Variants in RERG observed in about 807,000 individuals in gnomAD.
RERG encodes the protein RAS like estrogen regulated growth inhibitor, also known as ras-related and estrogen-regulated growth inhibitor.
A neutral mutation model predicts 23.2 loss-of-function variants in RERG; 25 were observed. That is an observed-to-expected ratio of 1.08 (90% CI 0.79 to 1.50). RERG has a LOEUF of 1.50. Among genes scored for constraint, RERG ranks in the 40% most tolerant of loss-of-function variants. RERG has a pLI of 0.00. For missense variants in RERG, 253 were observed against 250.1 expected (o/e 1.01, Z -0.08); for synonymous variants, 81 against 89.1 (o/e 0.91, Z 0.51).
chr12:15,144,274 C>T (rs1459888666), intron 2 of RERG, among the ~76,000 whole-genome samples: 6 of 152,070 alleles, frequency 3.9e-5, no homozygotes. Flanking sequence ...TGCTCAGTGA[C>T]CATGGAGTGC....
At chr12:15,203,227 T>C (rs1187552386) in intron 2 of RERG, among the ~76,000 whole-genome samples, 1 of 151,742 alleles carries the variant, frequency 6.6e-6, no homozygotes, top group African/African-American at 2.4e-5. Flanking sequence ...AATTAACCCT[T>C]TATCAAACAT....
intron 2 of RERG, among the ~76,000 whole-genome samples, chr12:15,156,719 G>A (rs1405474115): frequency 6.6e-6 from 1 of 152,128 alleles, no homozygotes; most frequent in African/African-American, 2.4e-5. Context: ...TGCTTTGCGA[G>A]TCCTCAGGAG....
At position 15,122,813 on chromosome 12, in the gene RERG, G is replaced by A. The variant is rs187879922; in HGVS notation, c.62-1694C>T. Among the ~76,000 whole-genome samples, 909 of 134,990 alleles carry A rather than the reference G, an allele frequency of 6.7e-3. 5 individuals are homozygous for A. Among genetic ancestry groups the A allele is most frequent in the Non-Finnish European group, 0.011 (709 of 62,350 alleles). The allele number at this position is 134,990 out of a possible 152,430, so 88.6% of individuals were successfully genotyped here. A position where few individuals can be genotyped will look rare whatever the true frequency, so the allele number is the denominator to read the frequency against. ...GTTTTTTTTTTTGTTTTTTGTTTTC[G>A]TTTTTTTGACACTCTCCCTCTGTTG... is the stretch of plus-strand genomic sequence containing the variant. On this transcript the variant is annotated intron_variant, in intron 2 of 4. Transcript: ENST00000256953.
chr12:15,176,408 C>T (rs1864851890), intron 2 of RERG, among the ~76,000 whole-genome samples: 2 of 151,992 alleles, frequency 1.3e-5, no homozygotes, highest in African/African-American at 4.8e-5. Context: ...TTTTTATTCC[C>T]CTTAATTTAG....
At chr12:15,189,392 A>T (rs542476397) in intron 2 of RERG, among the ~76,000 whole-genome samples, 12 of 152,206 alleles carry the variant, frequency 7.9e-5, no homozygotes, top group Admixed American at 7.9e-4. Flanking sequence ...CTTTTCCTAA[A>T]ATACATTTGT....
chr12:15,173,281 T>C (rs1480890995), intron 2 of RERG, among the ~76,000 whole-genome samples: 1 of 152,010 alleles, frequency 6.6e-6, no homozygotes, highest in Non-Finnish European at 1.5e-5. Context: ...TCTTCATAAA[T>C]ATATGGGTTT....
At chr12:15,216,963 T>C (rs1865448102) in intron 2 of RERG, 1 of 152,902 alleles carries the variant, frequency 6.5e-6, no homozygotes, top group East Asian at 1.9e-4. Context: ...TTTGAGTGTT[T>C]GGCAATAATG....
chr12:15,130,620 A>T (rs1386291642), intron 2 of RERG, among the ~76,000 whole-genome samples: 1 of 152,226 alleles, frequency 6.6e-6, no homozygotes, highest in African/African-American at 2.4e-5. Context: ...ATGGAAATTT[A>T]AAATGAATGC....
chr12:15,144,481 T>C (rs992857122), intron 2 of RERG, among the ~76,000 whole-genome samples: 15 of 152,008 alleles, frequency 9.9e-5, no homozygotes, highest in African/African-American at 3.6e-4. Context: ...AATTGGAAAG[T>C]TGAAGTAGGA....
intron 2 of RERG, among the ~76,000 whole-genome samples, chr12:15,194,703 T>C (rs575166562): frequency 2.6e-5 from 4 of 152,224 alleles, no homozygotes; most frequent in Admixed American, 2.0e-4. Context: ...TATTTTGCTT[T>C]ATTGGTTAAC....
intron 2 of RERG, among the ~76,000 whole-genome samples, chr12:15,170,718 T>C (rs1327167887): frequency 6.6e-6 from 1 of 152,198 alleles, no homozygotes; most frequent in Non-Finnish European, 1.5e-5. Flanking sequence ...AGAGATGGCA[T>C]TTCCAGTTTT....
intron 2 of RERG, among the ~76,000 whole-genome samples, chr12:15,175,063 T>G (rs2136124461): frequency 6.6e-6 from 1 of 152,218 alleles, no homozygotes; most frequent in African/African-American, 2.4e-5. Flanking sequence ...TTGGACATTT[T>G]AAATAATATA....
rs61079713 is a variant in RERG, at chr12:15,169,920, ATGTGTGTGTGTGTGTG to A, written c.61+47493_61+47508del. Among the ~76,000 whole-genome samples the A allele has an allele frequency of 6.6e-3, 915 of 137,696 alleles. 9 individuals carry two copies. Among genetic ancestry groups the A allele is most frequent in the Middle Eastern group, 0.058 (15 of 260 alleles). The allele number at this position is 137,696 out of a possible 152,430, so 90.3% of individuals were successfully genotyped here. A position where few individuals can be genotyped will look rare whatever the true frequency, so the allele number is the denominator to read the frequency against. On this transcript the variant is annotated intron_variant, in intron 2 of 4. Transcript: ENST00000256953. ...GAAGGACACACGTCATCTGCTAAAA[ATGTGTGTGTGTGTGTG>A]TGTGTGTGTGTGTGTGTGTGTGTGT...
intron 2 of RERG, among the ~76,000 whole-genome samples, chr12:15,185,849 A>C (rs1019442844): frequency 6.6e-6 from 1 of 152,124 alleles, no homozygotes; most frequent in Non-Finnish European, 1.5e-5. Flanking sequence ...AAAAAAAAAT[A>C]CAAAACATAA....
At chr12:15,208,815 T>C (rs1865328448) in intron 2 of RERG, among the ~76,000 whole-genome samples, 1 of 152,342 alleles carries the variant, frequency 6.6e-6, no homozygotes, top group East Asian at 1.9e-4. Context: ...GCTTTAATTT[T>C]TATAACGATA....
Position 15,169,956 on chromosome 12 carries a change from G to GTA in RERG, c.61+47472_61+47473insTA, listed in dbSNP as rs1864754594. ...TGTGTGTGTGTGTGTGTGTGTGTGTGTGTGTGTGTGTAACATCAGGGATCA... is the reference window on the plus strand; with the variant it reads ...TGTGTGTGTGTGTGTGTGTGTGTGTGTATGTGTGTGTGTAACATCAGGGATCA... On this transcript the variant is annotated intron_variant, in intron 2 of 4. Transcript: ENST00000256953. Among the ~76,000 whole-genome samples the GTA allele has an allele frequency of 4.6e-5, 7 of 150,552 alleles. No individual in the cohort carries two copies. The South Asian group carries it at 1.5e-3, about 32-fold the overall frequency.
At chr12:15,177,424 G>A (rs890857149) in intron 2 of RERG, among the ~76,000 whole-genome samples, 1 of 152,118 alleles carries the variant, frequency 6.6e-6, no homozygotes, top group African/African-American at 2.4e-5. Context: ...TTGCACGCCA[G>A]CCTGGGTGAA....
intron 3 of RERG, among the ~76,000 whole-genome samples, chr12:15,113,071 A>G (rs1224486045): frequency 6.6e-6 from 1 of 152,232 alleles, no homozygotes; most frequent in Non-Finnish European, 1.5e-5. Context: ...CATCAAAACA[A>G]TAACACTACA....
chr12:15,162,441 C>A (rs1262637027), intron 2 of RERG, among the ~76,000 whole-genome samples: 1 of 152,042 alleles, frequency 6.6e-6, no homozygotes, highest in African/African-American at 2.4e-5. Context: ...AATTAAGAAC[C>A]CCATTAGAGT....
Sources: gnomAD v4.1 joint callset for allele counts (sites outside exome capture counted in the v4.1 genomes callset) on GRCh38, gnomAD v4.1.1 for gene constraint, MANE v1.5 for transcripts, NCBI Gene and HGNC (gene_info 2026-07-23, HGNC 2026-07-21) for gene names.